CTNNA1: variants seen among roughly 807,000 people sequenced by gnomAD.
The protein encoded by CTNNA1 is catenin alpha-1.
CTNNA1 carries 37 observed loss-of-function variants against 98.4 expected under a neutral mutation model. The ratio of observed to expected loss-of-function variants is 0.38; its 90% CI spans 0.29 to 0.49. The LOEUF (loss-of-function observed/expected upper bound fraction) is 0.49, where lower values mean the gene tolerates loss of function less well. CTNNA1 is among the 20% of genes least tolerant of loss of function. The pLI, the probability that CTNNA1 is intolerant of heterozygous loss-of-function variation, is 0.95. For missense variants in CTNNA1, 761 were observed against 1,147.2 expected, an observed-to-expected ratio of 0.66 and a Z score of 4.86; for synonymous variants, 404 against 413.2, an observed-to-expected ratio of 0.98 and a Z score of 0.27.
rs754003347 is a variant in CTNNA1 at position 138,874,340 on chromosome 5, G to T, written c.1063-11872G>T. On this transcript the variant is annotated intron_variant, in intron 7 of 17. Transcript: ENST00000302763. The surrounding 1 kb of genome is among the most constrained non-coding windows in gnomAD (Gnocchi z 4.1). ...GGCAAATTGATCTCTTTCGAGCTCT[G>T]TGATGTGATTGTGCCTCAGGGACAG... 2.5e-6 allele frequency: 4 copies of T among 1,613,908 alleles called. No individual in the cohort carries two copies. Among genetic ancestry groups the T allele is most frequent in the Admixed American group, 3.3e-5 (2 of 60,004 alleles).
chr5:138,782,477 C>T, intron 2 of CTNNA1: 1 of 293,888 alleles, frequency 3.4e-6, no homozygotes, highest in Non-Finnish European at 6.8e-6. Context: ...AAACTGTTAG[C>T]AACTAGCTGT....
At chr5:138,790,337 G>A (rs1756217495) in intron 3 of CTNNA1, among the ~76,000 whole-genome samples, 3 of 152,230 alleles carry the variant, frequency 2.0e-5, no homozygotes, top group Non-Finnish European at 2.9e-5. Flanking sequence ...TGTTGAGGCA[G>A]CATGTGCTGC....
At chr5:138,755,845 CTTTTTTTTTTTTTTTTTTTTT>C (rs60260246) in intron 1 of CTNNA1, among the ~76,000 whole-genome samples, 24 of 58,464 alleles carry the variant, frequency 4.1e-4, no homozygotes, top group East Asian at 5.9e-4. Flanking sequence ...GGATTTCCTT[CTTTTTTTTTTTTTTTTTTTTT>C]TTTTTTTTTT....
At chr5:138,780,659 A>C (rs911814743) in intron 1 of CTNNA1, among the ~76,000 whole-genome samples, 1 of 152,036 alleles carries the variant, frequency 6.6e-6, no homozygotes, top group African/African-American at 2.4e-5. Context: ...CTGGGATTAC[A>C]GGCGTGCACC....
At chr5:138,844,292 G>A (rs1197939512) in intron 7 of CTNNA1, among the ~76,000 whole-genome samples, 1 of 152,134 alleles carries the variant, frequency 6.6e-6, no homozygotes, top group Non-Finnish European at 1.5e-5. Flanking sequence ...CACCGCACCT[G>A]GCCCCAGAGT....
chr5:138,824,876 C>T, intron 6 of CTNNA1, 77 bp downstream of exon 6: 2 of 1,386,070 alleles, frequency 1.4e-6, no homozygotes, highest in Non-Finnish European at 2.0e-6. Flanking sequence ...GAAAAGTGAT[C>T]AAGGCTTCTG....
intron 9 of CTNNA1, among the ~76,000 whole-genome samples, chr5:138,895,936 T>G (rs1302797361): frequency 1.3e-5 from 2 of 152,176 alleles, no homozygotes; most frequent in Non-Finnish European, 2.9e-5. Flanking sequence ...AGAAATACTT[T>G]TCTCCCAGAC....
intron 7 of CTNNA1, among the ~76,000 whole-genome samples, chr5:138,847,352 T>C (rs1280799736): frequency 1.3e-5 from 2 of 152,046 alleles, no homozygotes; most frequent in Non-Finnish European, 2.9e-5. Flanking sequence ...TTTTTAGAGA[T>C]AGGGGTCTGG....
intron 7 of CTNNA1, among the ~76,000 whole-genome samples, chr5:138,858,688 C>T (rs1319976704): frequency 4.0e-5 from 6 of 151,126 alleles, no homozygotes; most frequent in East Asian, 3.9e-4. Context: ...CTCCGCCTCC[C>T]GCATTCAAGC....
At chr5:138,832,550 ATG>A (rs1186586310) in intron 7 of CTNNA1, among the ~76,000 whole-genome samples, 1 of 152,218 alleles carries the variant, frequency 6.6e-6, no homozygotes, top group Non-Finnish European at 1.5e-5. Flanking sequence ...TTAAAATGAA[ATG>A]TAATTAAATT....
chr5:138,909,995 C>G lies in CTNNA1; in HGVS notation c.1389+5554C>G, dbSNP rs138391003. 3.0e-3 allele frequency among the ~76,000 whole-genome samples: 462 copies of G among 152,278 alleles called. 3 individuals are homozygous for G. Among genetic ancestry groups the G allele is most frequent in the Non-Finnish European group, 3.6e-3 (243 of 68,030 alleles). On this transcript the variant is annotated intron_variant, in intron 10 of 17. Coordinates refer to ENST00000302763, the MANE Select transcript of CTNNA1 (RefSeq NM_001903.5). Reference sequence around the variant, plus strand: ...CTTTTCCACTTTGGTATTCTCTAATCTGGTTTTTTACAAAGCAGTTTCACA... The same window carrying G: ...CTTTTCCACTTTGGTATTCTCTAATGTGGTTTTTTACAAAGCAGTTTCACA...
rs925758287 is a variant in CTNNA1 at position 138,753,462 on chromosome 5, C to T, written c.-51C>T. On this transcript the variant is annotated 5_prime_UTR_variant, in exon 1 of 18. Coordinates refer to ENST00000302763, the MANE Select transcript of CTNNA1 (RefSeq NM_001903.5). ...GGACTGGAGGGAGACAAAGCAGCGC[C>T]CGTCTGCTTCGGGCCTCTGGAATTT... The T allele has an allele frequency of 1.3e-5, 5 of 377,458 alleles. No individual in the cohort carries two copies. The highest frequency in any genetic ancestry group is 2.1e-5 in the African/African-American group (1 of 47,464). 23.4% of individuals were successfully genotyped at this position (377,458 alleles called of 1,614,324 possible). A position where few individuals can be genotyped will look rare whatever the true frequency, so the allele number is the denominator to read the frequency against.
intron 9 of CTNNA1, among the ~76,000 whole-genome samples, chr5:138,888,724 A>ATT (rs879262997): frequency 7.1e-5 from 10 of 140,770 alleles, no homozygotes; most frequent in Non-Finnish European, 7.8e-5. Flanking sequence ...ATTTTTTTGT[A>ATT]TTTTTTTTTT....
intron 13 of CTNNA1, 178 bp downstream of exon 13, chr5:138,925,585 G>A (rs1763842823): frequency 2.0e-6 from 2 of 984,614 alleles, no homozygotes; most frequent in Admixed American, 6.5e-5. Context: ...TTAGTTGCAA[G>A]TTAGAGCCCA....
intron 9 of CTNNA1, among the ~76,000 whole-genome samples, chr5:138,891,856 A>G (rs923496755): frequency 6.6e-6 from 1 of 152,242 alleles, no homozygotes. Context: ...TCAGTAAGCT[A>G]AAGGGAAAAA....
At chr5:138,916,999 C>G (rs1761950037) in intron 10 of CTNNA1, among the ~76,000 whole-genome samples, 1 of 152,174 alleles carries the variant, frequency 6.6e-6, no homozygotes, top group South Asian at 2.1e-4. Flanking sequence ...GTCTCGAACT[C>G]CAGACCTCAG....
At chr5:138,924,275 ATTTTTTGTTTTTTT>A (rs1307969391) in intron 11 of CTNNA1, among the ~76,000 whole-genome samples, 4 of 128,536 alleles carry the variant, frequency 3.1e-5, no homozygotes, top group Non-Finnish European at 6.8e-5. Flanking sequence ...TGTGTTTTTT[ATTTTTTGTTTTTTT>A]TTTTTTAAAA....
chr5:138,905,310 G>T (rs1338179032), intron 10 of CTNNA1, among the ~76,000 whole-genome samples: 2 of 152,050 alleles, frequency 1.3e-5, no homozygotes, highest in Admixed American at 6.6e-5. Flanking sequence ...GGAAGGTATG[G>T]TGCCTTCCAT....
intron 7 of CTNNA1, among the ~76,000 whole-genome samples, chr5:138,858,333 C>A (rs1763917012): frequency 6.6e-6 from 1 of 151,956 alleles, no homozygotes; most frequent in Non-Finnish European, 1.5e-5. Context: ...TGCCATGTTG[C>A]CCAGGCTGAT....
Sources: allele counts gnomAD v4.1 joint callset (sites outside exome capture counted in the v4.1 genomes callset), GRCh38; gene constraint gnomAD v4.1.1; non-coding constraint Gnocchi (gnomAD v3.1); transcripts MANE v1.5; gene names NCBI Gene and HGNC (gene_info 2026-07-23, HGNC 2026-07-21).